Variants in RPUSD1 observed in about 807,000 individuals in gnomAD.
The protein encoded by RPUSD1 is pseudouridylate synthase RPUSD1.
In RPUSD1, 28 loss-of-function variants were observed where a neutral mutation model predicts 22.4. That is an observed-to-expected ratio of 1.25 (90% confidence interval 0.93 to 1.72). The LOEUF (loss-of-function observed/expected upper bound fraction) is 1.72. Ranked by LOEUF, RPUSD1 falls within the 40% of genes most tolerant of loss-of-function variation. RPUSD1 has a pLI of 0.00. For missense variants in RPUSD1, 596 were observed against 442.2 expected (o/e 1.35, Z -3.12); for synonymous variants, 298 against 201.0 (o/e 1.48, Z -4.08).
chr16:786,708 G>T, intron 5 of RPUSD1, 119 bp downstream of exon 5: 1 of 867,336 alleles, frequency 1.2e-6, no homozygotes, highest in Non-Finnish European at 2.0e-6. Context: ...AGTTAAGAAC[G>T]CAGGAGTGCT....
In RPUSD1 at chr16:787,615, C is replaced by CT. The variant is rs764099801; in HGVS notation, c.122dup (p.Lys42GlufsTer14). On this transcript the variant is annotated frameshift_variant, in exon 2 of 6. Coordinates refer to ENST00000007264, the MANE Select transcript of RPUSD1 (RefSeq NM_058192.3). LOFTEE classifies it high-confidence loss of function. ...CGGGAAAGCGGTACCGCAGCTGCTT[C>CT]TGCAGGGTCAGAGTCTCCCGCCACG... 6.2e-7 allele frequency: 1 copy of CT among 1,611,832 alleles called. No individual in the cohort carries two copies. The highest frequency in any genetic ancestry group is 8.5e-7 in the Non-Finnish European group (1 of 1,179,960).
At position 787,477 on chromosome 16, in the gene RPUSD1, C is replaced by T. The variant is rs750982700; in HGVS notation, c.183G>A (p.Arg61=). The T allele has an allele frequency of 2.5e-6, 4 of 1,588,524 alleles. No individual in the cohort carries two copies. The highest frequency in any genetic ancestry group is 3.5e-5 in the Admixed American group (2 of 57,196). ...TGGAGAAATCCAGCTGGTGGCAGAA[C>T]CTGGAGTGGGACAGAGTCCAGAGTC... ...LADPDTCYGF[R]FCHQLDFSTS... The change falls in exon 3 of 6, where the codon AGG becomes AGA. Residue 61 remains arginine, a splice_region_variant and synonymous_variant. Coordinates refer to ENST00000007264, the MANE Select transcript of RPUSD1 (RefSeq NM_058192.3).
rs2041956886 is a variant in RPUSD1 at position 787,077 on chromosome 16, C to T, written c.409G>A (p.Gly137Ser). 1 of 1,604,524 alleles carries T rather than the reference C, an allele frequency of 6.2e-7. No homozygotes were observed. The highest frequency in any genetic ancestry group is 2.3e-5 in the East Asian group (1 of 44,310). ...CCCGGTGGGTCCCTGCCTGCCACAC[C>T]CTGCGAGCCCTCGATGCACATGGTG... Reference protein sequence around the residue: ...AHTMCIEGSQGCENPKPSLTD... With the variant: ...AHTMCIEGSQSCENPKPSLTD... Residue 137 changes from glycine to serine, a missense_variant and splice_region_variant, in exon 4 of 6, where the codon GGT becomes AGT. By Grantham distance (56) the Gly-to-Ser change is moderately conservative (BLOSUM62 0). Coordinates refer to ENST00000007264, the MANE Select transcript of RPUSD1 (RefSeq NM_058192.3).
chr16:788,121 G>T (rs752727296), intron 1 of RPUSD1, 135 bp downstream of exon 1: 1 of 464,516 alleles, frequency 2.2e-6, no homozygotes, highest in Non-Finnish European at 4.2e-6. Flanking sequence ...AGCCAGGTCT[G>T]CCCGCAGCGC....
In RPUSD1 at chr16:786,379, T is replaced by C. The variant is rs1293338141; in HGVS notation, c.512-2A>G. ...GCACGCGCAGCTGGTGTGTCCGGCC[T>C]GCGGGATGAGGGCGGTGCCGGATCA... On this transcript the variant is annotated splice_acceptor_variant, in intron 5 of 5. Coordinates refer to ENST00000007264, the MANE Select transcript of RPUSD1 (RefSeq NM_058192.3). LOFTEE classifies it high-confidence loss of function. 2 of 1,602,080 alleles carry C rather than the reference T, an allele frequency of 1.2e-6. No individual in the cohort carries two copies. The highest frequency in any genetic ancestry group is 8.5e-7 in the Non-Finnish European group (1 of 1,173,182).
chr16:785,813 G>A lies in RPUSD1; in HGVS notation c.*137C>T, dbSNP rs2041882796. On this transcript the variant is annotated 3_prime_UTR_variant, in exon 6 of 6. Coordinates refer to ENST00000007264, the MANE Select transcript of RPUSD1 (RefSeq NM_058192.3). ...GCCCCACCTCAGCCCTTCCTCGCAGGCCTGGCCGGGGCAACCCAGTGGGCC... is the reference window on the plus strand; with the variant it reads ...GCCCCACCTCAGCCCTTCCTCGCAGACCTGGCCGGGGCAACCCAGTGGGCC... 2.6e-6 allele frequency: 2 copies of A among 768,976 alleles called. No homozygotes were observed. The highest frequency in any genetic ancestry group is 3.8e-5 in the South Asian group (1 of 26,228). 47.6% of individuals were successfully genotyped at this position (768,976 alleles called of 1,614,324 possible).
In RPUSD1 at chr16:787,593, G is replaced by A. The variant is rs746851346; in HGVS notation, c.145C>T (p.Pro49Ser). The A allele has an allele frequency of 4.3e-6, 7 of 1,611,346 alleles. No homozygotes were observed. The highest frequency in any genetic ancestry group is 1.1e-5 in the South Asian group (1 of 91,078). Residue 49 changes from proline (P) to serine (S), a missense_variant, in exon 2 of 6, where the codon CCC becomes TCC. Coordinates refer to ENST00000007264, the MANE Select transcript of RPUSD1 (RefSeq NM_058192.3). ...CAGGTGTCAGGGTCGGCCAGCTCGG[G>A]AAAGCGGTACCGCAGCTGCTTCTGC... ...TLQKQLRYRF[P>S]ELADPDTCYG... is the part of the protein sequence containing the mutation.
intron 1 of RPUSD1, 191 bp downstream of exon 1, chr16:788,065 C>A: frequency 4.0e-6 from 2 of 499,604 alleles, no homozygotes; most frequent in South Asian, 1.8e-5. Context: ...AATGCCTCTG[C>A]CCGACGGTGG....
rs531558384 is a variant in RPUSD1 at position 786,020 on chromosome 16, G to A, written c.869C>T (p.Pro290Leu). The A allele has an allele frequency of 3.4e-6, 5 of 1,492,506 alleles. No individual in the cohort carries two copies. The highest frequency in any genetic ancestry group is 1.8e-4 in the Middle Eastern group (1 of 5,542). 92.5% of individuals were successfully genotyped at this position (1,492,506 alleles called of 1,614,324 possible). ...GGGGCCCCGCTGTGCCTCAGTCTCAGGGGGCTTGGTTGGGGGTGGAGGAGG... is the reference window on the plus strand; with the variant it reads ...GGGGCCCCGCTGTGCCTCAGTCTCAAGGGGCTTGGTTGGGGGTGGAGGAGG... ...GRPPPPPTKP[P>L]ETEAQRGPCL... The change falls in exon 6 of 6, where the codon CCT (proline) becomes CTT (leucine). Residue 290 changes from proline (P) to leucine (L), a missense_variant. Pro to Leu is a moderately conservative substitution (Grantham distance 98, BLOSUM62 -3). Transcript: ENST00000007264.
chr16:786,513 C>A, intron 5 of RPUSD1, 136 bp from the exon 6 acceptor site: 1 of 856,856 alleles, frequency 1.2e-6, no homozygotes, highest in Non-Finnish European at 1.8e-6. Flanking sequence ...TCTCCCTGTC[C>A]CCTGCCATGA....
chr16:786,642 C>T (rs1286665089), intron 5 of RPUSD1, 185 bp downstream of exon 5: 2 of 735,582 alleles, frequency 2.7e-6, no homozygotes, highest in Admixed American at 4.0e-5. Context: ...AGGAATCAGT[C>T]AGGAGCCAGC....
chr16:788,153 C>T lies in RPUSD1; in HGVS notation c.-8+103G>A, dbSNP rs76348424. The T allele has an allele frequency of 3.3e-3, 1,474 of 440,882 alleles. 27 individuals are homozygous for T. The highest frequency in any genetic ancestry group is 0.029 in the African/African-American group (1,357 of 47,602). The allele number at this position is 440,882 out of a possible 1,614,324, so 27.3% of individuals were successfully genotyped here. On this transcript the variant is annotated intron_variant, in intron 1 of 5. Coordinates refer to ENST00000007264, the MANE Select transcript of RPUSD1 (RefSeq NM_058192.3). Reference sequence around the variant, plus strand: ...GCGCGGGTTAGGGCTGGGGCCTCCTCGCTCCCCGCAGTCCGCGCAGACCCG... The same window carrying T: ...GCGCGGGTTAGGGCTGGGGCCTCCTTGCTCCCCGCAGTCCGCGCAGACCCG...
chr16:787,118 G>A lies in RPUSD1; in HGVS notation c.368C>T (p.Thr123Met), dbSNP rs138346352. ...TISHAIGRNSTEGRAHTMCIE... is the reference protein window; with the variant it reads ...TISHAIGRNSMEGRAHTMCIE... ...GCACATGGTGTGGGCCCGGCCCTCC[G>A]TGCTGTTCCTGCCAATGGCATGGCT... The change falls in exon 4 of 6, where the codon ACG becomes ATG. Residue 123 changes from threonine (T) to methionine (M), a missense_variant. Physicochemically the swap from Thr to Met is moderately conservative, Grantham distance 81. Transcript: ENST00000007264. 17 of 1,607,738 alleles carry A rather than the reference G, an allele frequency of 1.1e-5. No individual in the cohort carries two copies. In the African/African-American group the frequency reaches 1.3e-4, roughly 13 times the overall value.
chr16:787,221 C>A, intron 3 of RPUSD1, 42 bp from the exon 4 acceptor site: 1 of 1,567,282 alleles, frequency 6.4e-7, no homozygotes, highest in Non-Finnish European at 8.6e-7. Context: ...CGGGGCAGCC[C>A]AGTGCTGCCG....
Position 786,936 on chromosome 16 carries a change from G to A in RPUSD1, c.410-8C>T, listed in dbSNP as rs758575003. 1.1e-5 allele frequency: 17 copies of A among 1,611,382 alleles called. No individual in the cohort carries two copies. The highest frequency in any genetic ancestry group is 5.5e-5 in the South Asian group (5 of 91,048). On this transcript the variant is annotated splice_polypyrimidine_tract_variant and splice_region_variant and intron_variant, in intron 4 of 5. Transcript: ENST00000007264. ...GCTTTGGGTTCTCACAACCTGGGGC[G>A]CAGAAGGCAGGTGTGAGGTTAGTGG... is the stretch of plus-strand genomic sequence containing the variant.
At position 786,147 on chromosome 16, in the gene RPUSD1, C is replaced by T. The variant is rs750234985; in HGVS notation, c.742G>A (p.Asp248Asn). The change falls in exon 6 of 6, where the codon GAC (aspartate) becomes AAC (asparagine). Residue 248 changes from aspartate (D) to asparagine (N), a missense_variant. Physicochemically the swap from Asp to Asn is conservative, Grantham distance 23. Coordinates refer to ENST00000007264, the MANE Select transcript of RPUSD1 (RefSeq NM_058192.3). ...GCCCGTAAGGCCTGCACGAGCTGGTCCAGCGACTGCAGCAGTGTGTGGGGG... is the reference window on the plus strand; with the variant it reads ...GCCCGTAAGGCCTGCACGAGCTGGTTCAGCGACTGCAGCAGTGTGTGGGGG... Reference protein sequence around the residue: ...WSPHTLLQSLDQLVQALRATP... With the variant: ...WSPHTLLQSLNQLVQALRATP... The T allele has an allele frequency of 1.9e-6, 3 of 1,610,388 alleles. No homozygotes were observed. The highest frequency in any genetic ancestry group is 2.7e-5 in the African/African-American group (2 of 74,854).
chr16:787,604 C>A lies in RPUSD1; in HGVS notation c.134G>T (p.Arg45Leu). The A allele has an allele frequency of 6.2e-7, 1 of 1,611,544 alleles. No individual in the cohort carries two copies. The highest frequency in any genetic ancestry group is 8.5e-7 in the Non-Finnish European group (1 of 1,179,926). Residue 45 changes from arginine to leucine, a missense_variant, in exon 2 of 6, where the codon CGG becomes CTG. Coordinates refer to ENST00000007264, the MANE Select transcript of RPUSD1 (RefSeq NM_058192.3). Reference protein sequence around the residue: ...RETLTLQKQLRYRFPELADPD... With the variant: ...RETLTLQKQLLYRFPELADPD... ...GTCGGCCAGCTCGGGAAAGCGGTAC[C>A]GCAGCTGCTTCTGCAGGGTCAGAGT...
intron 5 of RPUSD1, 37 bp from the exon 6 acceptor site, chr16:786,414 CG>C: frequency 6.4e-7 from 1 of 1,573,382 alleles, no homozygotes; most frequent in South Asian, 1.2e-5. Context: ...AAGCTGGGAG[CG>C]GGGCCGATCC....
At position 785,924 on chromosome 16, in the gene RPUSD1, C is replaced by T; in HGVS notation, c.*26G>A. 2.8e-6 allele frequency: 4 copies of T among 1,423,984 alleles called. No homozygotes were observed. Among genetic ancestry groups the T allele is most frequent in the South Asian group, 1.5e-5 (1 of 65,250 alleles). 88.2% of individuals were successfully genotyped at this position (1,423,984 alleles called of 1,614,324 possible). A position where few individuals can be genotyped will look rare whatever the true frequency, so the allele number is the denominator to read the frequency against. Reference sequence around the variant, plus strand: ...CCCTAGAGTCCCGCTGTGCAGCTGACACCCCCTGCCCCAGCCCCACGGCTC... The same window carrying T: ...CCCTAGAGTCCCGCTGTGCAGCTGATACCCCCTGCCCCAGCCCCACGGCTC... On this transcript the variant is annotated 3_prime_UTR_variant, in exon 6 of 6. Transcript: ENST00000007264.
Sources: gnomAD v4.1 joint callset for allele counts on GRCh38, gnomAD v4.1.1 for gene constraint, MANE v1.5 for transcripts, NCBI Gene and HGNC (gene_info 2026-07-23, HGNC 2026-07-21) for gene names.